The following REV1 variants were observed in gnomAD, a reference collection of about 807,000 sequenced individuals.
REV1 encodes translesion synthesis protein REV1.
Under a neutral mutation model 137.4 loss-of-function variants are expected in REV1, and 42 were observed. The ratio of observed to expected loss-of-function variants is 0.31; its 90% CI spans 0.24 to 0.40. The LOEUF is 0.40. Ranked by LOEUF, REV1 falls within the 10% of genes least tolerant of loss-of-function variation. The pLI is 1.00. For synonymous variants in REV1, 524 were observed against 519.2 expected, an observed-to-expected ratio of 1.01 and a Z score of -0.12; for missense variants, 1,282 against 1,490.1, an observed-to-expected ratio of 0.86 and a Z score of 2.30.
chr2:99,437,174 G>A (rs1043318572), intron 6 of REV1, among the ~76,000 whole-genome samples: 1 of 151,070 alleles, frequency 6.6e-6, no homozygotes, highest in Admixed American at 6.6e-5. Context: ...GTAGAGACAC[G>A]GTCTCACTGT....
intron 7 of REV1, 82 bp downstream of exon 7, chr2:99,435,752 T>A (rs1559343140): frequency 5.4e-6 from 4 of 735,152 alleles, no homozygotes; most frequent in South Asian, 2.3e-5. Context: ...CATAATTTTT[T>A]AAAAAAAGAT....
At chr2:99,479,132 A>G (rs1477914215) in intron 1 of REV1, among the ~76,000 whole-genome samples, 1 of 151,930 alleles carries the variant, frequency 6.6e-6, no homozygotes, top group Non-Finnish European at 1.5e-5. Flanking sequence ...GATCGAGACC[A>G]CACTGGCCAA....
intron 1 of REV1, among the ~76,000 whole-genome samples, chr2:99,466,327 C>T (rs1249963908): frequency 6.6e-6 from 1 of 152,094 alleles, no homozygotes; most frequent in Non-Finnish European, 1.5e-5. Flanking sequence ...ACAACCACCT[C>T]CGCCTCCCGG....
intron 9 of REV1, 113 bp downstream of exon 9, chr2:99,429,727 A>G: frequency 3.6e-6 from 2 of 562,012 alleles, no homozygotes; most frequent in African/African-American, 5.3e-5. Flanking sequence ...CTAAAACCTC[A>G]TAACACGTCT....
At chr2:99,479,060 T>C (rs1172913653) in intron 1 of REV1, among the ~76,000 whole-genome samples, 3 of 152,250 alleles carry the variant, frequency 2.0e-5, no homozygotes, top group South Asian at 2.1e-4. Context: ...CTGGGCACAG[T>C]TGCTCATACC....
chr2:99,429,793 T>C, intron 9 of REV1, 47 bp downstream of exon 9: 1 of 1,134,138 alleles, frequency 8.8e-7, no homozygotes, highest in African/African-American at 1.6e-5. Context: ...ATAAAAATAA[T>C]TAACCAAATT....
At chr2:99,438,131 GT>G (rs1206716736) in intron 6 of REV1, among the ~76,000 whole-genome samples, 3 of 152,150 alleles carry the variant, frequency 2.0e-5, no homozygotes, top group Non-Finnish European at 4.4e-5. Context: ...ATGAACCAAT[GT>G]ACTTAAGATG....
chr2:99,475,972 G>A lies in REV1; in HGVS notation c.-10-10987C>T, dbSNP rs1174857491. Among the ~76,000 whole-genome samples the A allele has an allele frequency of 2.0e-5, 3 of 152,330 alleles. No individual in the cohort carries two copies. In the East Asian group the frequency reaches 5.8e-4, roughly 29 times the overall value. ...CACTCCAGCCTGGGTGACAGAGTGA[G>A]ACTTCGTCTCAAAAAAATAAATAAA... On this transcript the variant is annotated intron_variant, in intron 1 of 22. Transcript: ENST00000258428.
chr2:99,469,272 C>T (rs550579651), intron 1 of REV1, among the ~76,000 whole-genome samples: 33 of 152,204 alleles, frequency 2.2e-4, no homozygotes, highest in Middle Eastern at 6.8e-3. Context: ...AGAAAAAGCA[C>T]GACAACTTGA....
chr2:99,482,155 C>T (rs1197134515), intron 1 of REV1, among the ~76,000 whole-genome samples: 4 of 152,324 alleles, frequency 2.6e-5, no homozygotes, highest in Admixed American at 1.3e-4. Flanking sequence ...TGAGTTCAAT[C>T]ATACCTATGT....
Position 99,402,716 on chromosome 2 carries a change from G to C in REV1, c.3469C>G (p.Pro1157Ala). 1 of 1,613,900 alleles carries C rather than the reference G, an allele frequency of 6.2e-7. No homozygotes were observed. Reference protein sequence around the residue: ...DPAGCVRPPAPNLAGAVEFND... With the variant: ...DPAGCVRPPAANLAGAVEFND... ...AATTCAACAGCTCCAGCTAGATTGG[G>C]TGCTGGAGGTCTCACACAGCCAGCT... Residue 1157 changes from proline (P) to alanine (A), a missense_variant, in exon 21 of 23, where the codon CCC becomes GCC. Physicochemically the swap from Pro to Ala is conservative, Grantham distance 27. Transcript: ENST00000258428.
intron 1 of REV1, among the ~76,000 whole-genome samples, chr2:99,479,697 A>C (rs1686398617): frequency 6.6e-6 from 1 of 151,978 alleles, no homozygotes; most frequent in South Asian, 2.1e-4. Flanking sequence ...CTGAGGTGGG[A>C]GGATCGCTTG....
chr2:99,406,272 T>C lies in REV1; in HGVS notation c.2614+53A>G, dbSNP rs141844812. On this transcript the variant is annotated intron_variant, in intron 16 of 22. Coordinates refer to ENST00000258428, the MANE Select transcript of REV1 (RefSeq NM_016316.4). ...GTCAATTTTAAAACCAACTGCCGTC[T>C]TTCCAAGGACATAAGCAGCACCTAA... The C allele has an allele frequency of 1.4e-5, 21 of 1,525,346 alleles. No homozygotes were observed. The African/African-American group carries it at 2.1e-4, about 15-fold the overall frequency. The allele number at this position is 1,525,346 out of a possible 1,614,324, so 94.5% of individuals were successfully genotyped here.
intron 1 of REV1, among the ~76,000 whole-genome samples, chr2:99,478,091 G>A (rs1288967835): frequency 6.6e-6 from 1 of 152,098 alleles, no homozygotes; most frequent in Non-Finnish European, 1.5e-5. Context: ...AATTAGCCGA[G>A]CGTGGTGGTG....
chr2:99,439,034 C>G lies in REV1; in HGVS notation c.780G>C (p.Glu260Asp). 6.2e-7 allele frequency: 1 copy of G among 1,614,152 alleles called. No individual in the cohort carries two copies. Among genetic ancestry groups the G allele is most frequent in the Non-Finnish European group, 8.5e-7 (1 of 1,180,024 alleles). Residue 260 changes from glutamate to aspartate, a missense_variant, in exon 6 of 23, where the codon GAG becomes GAC. Transcript: ENST00000258428. ...ASRLSPAFSQ[E>D]EDKAEKSSTD... ...TGCTGCTCTTCTCAGCCTTATCCTC[C>G]TCCTGGGAAAAGGCTGGAGAAAGCC...
chr2:99,442,264 A>AAAC, intron 5 of REV1, 53 bp downstream of exon 5: 2 of 1,364,366 alleles, frequency 1.5e-6, no homozygotes, highest in South Asian at 1.5e-5. Context: ...AAAAAAAAAA[A>AAAC]AAAAAAAAAA....
At chr2:99,432,416 A>G (rs1386306525) in intron 8 of REV1, among the ~76,000 whole-genome samples, 1 of 152,152 alleles carries the variant, frequency 6.6e-6, no homozygotes, top group Non-Finnish European at 1.5e-5. Flanking sequence ...GCCATGTCTG[A>G]TAATGACCCA....
At chr2:99,485,679 C>A (rs1178581025) in intron 1 of REV1, among the ~76,000 whole-genome samples, 1 of 152,226 alleles carries the variant, frequency 6.6e-6, no homozygotes, top group Non-Finnish European at 1.5e-5. Context: ...AAAAACCTGA[C>A]TTACACATTA....
intron 14 of REV1, 113 bp from the exon 15 acceptor site, chr2:99,408,244 G>A (rs1274002964): frequency 5.6e-6 from 3 of 531,842 alleles, no homozygotes; most frequent in East Asian, 3.2e-5. Context: ...CAGTTACAAA[G>A]AAGATTATAA....
Sources: gnomAD v4.1 joint callset for allele counts (sites outside exome capture counted in the v4.1 genomes callset) on GRCh38, gnomAD v4.1.1 for gene constraint, MANE v1.5 for transcripts, NCBI Gene and HGNC (gene_info 2026-07-23, HGNC 2026-07-21) for gene names.